Variants in DCAKD observed in about 807,000 individuals in gnomAD.
DCAKD encodes dephospho-CoA kinase domain-containing protein.
DCAKD carries 15 observed loss-of-function variants against 18.7 expected under a neutral mutation model. The observed-to-expected ratio is 0.80, with a 90% CI of 0.54 to 1.24. The LOEUF (loss-of-function observed/expected upper bound fraction) is 1.24, where lower values mean the gene tolerates loss of function less well. DCAKD is among the 50% of genes most tolerant of loss of function. The pLI is 0.00. For synonymous variants in DCAKD, 130 were observed against 133.0 expected (o/e 0.98, Z 0.16); for missense variants, 301 against 322.0 (o/e 0.93, Z 0.50).
intron 4 of DCAKD, among the ~76,000 whole-genome samples, chr17:45,025,548 C>T (rs565517070): frequency 6.6e-6 from 1 of 152,138 alleles, no homozygotes; most frequent in Non-Finnish European, 1.5e-5. Context: ...CCTTGGGCTA[C>T]AGTCAGTCCT....
intron 1 of DCAKD, among the ~76,000 whole-genome samples, chr17:45,039,113 T>C (rs2053371219): frequency 6.6e-6 from 1 of 152,166 alleles, no homozygotes; most frequent in South Asian, 2.1e-4. Flanking sequence ...CTCACTTGGC[T>C]GCGCACAGAT....
chr17:45,050,235 G>A (rs1422822239), intron 1 of DCAKD, among the ~76,000 whole-genome samples: 1 of 149,948 alleles, frequency 6.7e-6, no homozygotes, highest in Admixed American at 6.6e-5. Context: ...TTGACACGGG[G>A]GTTTCACCAT....
At position 45,034,949 on chromosome 17, in the gene DCAKD, A is replaced by G. The variant is rs2053260430; in HGVS notation, c.-64T>C. 1.3e-6 allele frequency: 2 copies of G among 1,573,784 alleles called. No homozygotes were observed. Among genetic ancestry groups the G allele is most frequent in the Admixed American group, 3.5e-5 (2 of 57,370 alleles). ...AGGAGCTACAGAATCACTGGAGAGC[A>G]GGGCAAGTGTGGCCGATGGGGGCGG... is the stretch of plus-strand genomic sequence containing the variant. On this transcript the variant is annotated 5_prime_UTR_variant, in exon 2 of 5. Coordinates refer to ENST00000651974, the MANE Select transcript of DCAKD (RefSeq NM_001288655.2).
chr17:45,050,769 T>A (rs2143385225), intron 1 of DCAKD, among the ~76,000 whole-genome samples: 1 of 152,366 alleles, frequency 6.6e-6, no homozygotes. Context: ...AATGTCAAAG[T>A]TCACTTGGGT....
upstream of DCAKD, among the ~76,000 whole-genome samples, chr17:45,055,714 C>T (rs1226514542): frequency 6.6e-6 from 1 of 152,220 alleles, no homozygotes; most frequent in Non-Finnish European, 1.5e-5. Flanking sequence ...ACAGCCTGTG[C>T]TCCCCACTTT....
intron 1 of DCAKD, among the ~76,000 whole-genome samples, chr17:45,045,319 T>G (rs1198742154): frequency 1.3e-5 from 2 of 152,212 alleles, no homozygotes; most frequent in East Asian, 3.8e-4. Flanking sequence ...CTGACCAACG[T>G]GTCACCACCC....
At chr17:45,029,916 C>T (rs1318293277) in intron 4 of DCAKD, among the ~76,000 whole-genome samples, 176 bp downstream of exon 4, 2 of 152,156 alleles carry the variant, frequency 1.3e-5, no homozygotes, top group Non-Finnish European at 2.9e-5. Context: ...CACCTGCCCC[C>T]AGGACTATCC....
chr17:45,049,955 C>T (rs2053655281), intron 1 of DCAKD, among the ~76,000 whole-genome samples: 1 of 151,982 alleles, frequency 6.6e-6, no homozygotes, highest in African/African-American at 2.4e-5. Flanking sequence ...CTCCTGACCT[C>T]AGGTGATCTG....
At chr17:45,050,059 GAGA>G (rs2053658483) in intron 1 of DCAKD, among the ~76,000 whole-genome samples, 1 of 67,108 alleles carries the variant, frequency 1.5e-5, no homozygotes. Flanking sequence ...TCTTTCTTTT[GAGA>G]AGGAGTCTCA....
chr17:45,046,351 CGCCT>C (rs2053566378), intron 1 of DCAKD, among the ~76,000 whole-genome samples: 1 of 152,064 alleles, frequency 6.6e-6, no homozygotes. Context: ...CGGCGGCTCA[CGCCT>C]GCCTGTAATC....
At chr17:45,044,689 CAATAAATAAATA>C (rs143312640) in intron 1 of DCAKD, among the ~76,000 whole-genome samples, 1,733 of 147,370 alleles carry the variant, frequency 0.012, 42 homozygotes, top group African/African-American at 0.037. Flanking sequence ...GAGACTCCAT[CAATAAATAAATA>C]AATAAATAAA....
chr17:45,034,193 G>C lies in DCAKD; in HGVS notation c.310C>G (p.Leu104Val). The C allele has an allele frequency of 1.2e-6, 2 of 1,613,962 alleles. No homozygotes were observed. The highest frequency in any genetic ancestry group is 1.7e-6 in the Non-Finnish European group (2 of 1,179,972). ...EMMKETFKYF[L>V]RGYRYVILDI... ...CCCAGGCCCTGGCACTTACCCCGGA[G>C]GAAGTACTTGAACGTCTCCTTCATC... Residue 104 changes from leucine (L) to valine (V), a missense_variant, in exon 3 of 5, where the codon CTC becomes GTC. Transcript: ENST00000651974.
chr17:45,048,483 C>T (rs1293866596), intron 1 of DCAKD, among the ~76,000 whole-genome samples: 1 of 152,082 alleles, frequency 6.6e-6, no homozygotes, highest in Non-Finnish European at 1.5e-5. Flanking sequence ...ACTAAAAATA[C>T]AAAAATAGCC....
At chr17:45,058,987 T>A (rs947925306) in intron 1 of DCAKD, among the ~76,000 whole-genome samples, 42 of 152,006 alleles carry the variant, frequency 2.8e-4, no homozygotes, top group Admixed American at 1.0e-3. Context: ...ACGCCTGTAA[T>A]CCCAGCACTT....
chr17:45,027,099 T>C (rs571425436), intron 4 of DCAKD, among the ~76,000 whole-genome samples: 6 of 152,188 alleles, frequency 3.9e-5, no homozygotes, highest in Non-Finnish European at 7.3e-5. Context: ...TCCCAGCACT[T>C]TAGTAGGCCG....
rs529232417 is a variant in DCAKD at position 45,023,347 on chromosome 17, G to A, written c.*1086C>T. The stretch of plus-strand genomic sequence containing the variant: ...AAGCCAAGTCTGGGAATCTTGGTTG[G>A]TCTGGGGCATTTCAGATCAACACAC... On this transcript the variant is annotated 3_prime_UTR_variant, in exon 5 of 5. Coordinates refer to ENST00000651974, the MANE Select transcript of DCAKD (RefSeq NM_001288655.2). 1.3e-5 allele frequency: 2 copies of A among 152,282 alleles called. No homozygotes were observed. The highest frequency in any genetic ancestry group is 4.8e-5 in the African/African-American group (2 of 41,544). The allele number at this position is 152,282 out of a possible 1,614,324, so 9.4% of individuals were successfully genotyped here.
chr17:45,049,713 CTTTTTTTTTTTT>C (rs57106886), intron 1 of DCAKD, among the ~76,000 whole-genome samples: 8 of 111,888 alleles, frequency 7.2e-5, no homozygotes, highest in East Asian at 2.6e-4. Context: ...TTTTCTTTTC[CTTTTTTTTTTTT>C]TTTTTTTTTT....
chr17:45,046,198 G>C (rs1415530793), intron 1 of DCAKD, among the ~76,000 whole-genome samples: 1 of 152,178 alleles, frequency 6.6e-6, no homozygotes, highest in African/African-American at 2.4e-5. Flanking sequence ...TTCCTGGACT[G>C]ACAATATATT....
upstream of DCAKD, chr17:45,054,241 G>A (rs2053756411): frequency 2.2e-6 from 1 of 462,972 alleles, no homozygotes; most frequent in Non-Finnish European, 4.2e-6. Flanking sequence ...TGCCACTCAA[G>A]ACAGTTTTAT....
Sources: gnomAD v4.1 joint callset for allele counts (sites outside exome capture counted in the v4.1 genomes callset) on GRCh38, gnomAD v4.1.1 for gene constraint, MANE v1.5 for transcripts, NCBI Gene and HGNC (gene_info 2026-07-23, HGNC 2026-07-21) for gene names.